UBE3C: variants seen among roughly 807,000 people sequenced by gnomAD.
UBE3C encodes the protein ubiquitin-protein ligase E3C.
Under a neutral mutation model 129.4 loss-of-function variants are expected in UBE3C, and 42 were observed. That is an observed-to-expected ratio of 0.32 (90% CI 0.25 to 0.42). The LOEUF is 0.42. Ranked by LOEUF, UBE3C falls within the 10% of genes least tolerant of loss-of-function variation. The pLI, the probability that UBE3C is intolerant of heterozygous loss-of-function variation, is 1.00. For missense variants in UBE3C, 1,049 were observed against 1,319.1 expected, an observed-to-expected ratio of 0.80 and a Z score of 3.17; for synonymous variants, 510 against 492.4, an observed-to-expected ratio of 1.04 and a Z score of -0.47.
At chr7:157,248,293 A>C in intron 18 of UBE3C, 75 bp from the exon 19 acceptor site, 1 of 1,341,982 alleles carries the variant, frequency 7.5e-7, no homozygotes, top group Non-Finnish European at 1.0e-6. Flanking sequence ...TTTAATATCA[A>C]GTTGAGCATA....
intron 22 of UBE3C, among the ~76,000 whole-genome samples, chr7:157,259,363 T>C (rs1796837710): frequency 6.6e-6 from 1 of 152,234 alleles, no homozygotes; most frequent in African/African-American, 2.4e-5. Flanking sequence ...TGCAGGCAAG[T>C]TATCTTGAGA....
intron 13 of UBE3C, among the ~76,000 whole-genome samples, chr7:157,213,177 C>T (rs971209562): frequency 1.3e-5 from 2 of 152,234 alleles, no homozygotes; most frequent in Non-Finnish European, 2.9e-5. Flanking sequence ...AGAGTTAACA[C>T]ATCAGATGGA....
Position 157,207,839 on chromosome 7 carries a change from A to C in UBE3C, c.1713A>C (p.Glu571Asp). 6.2e-7 allele frequency: 1 copy of C among 1,614,164 alleles called. No homozygotes were observed. The highest frequency in any genetic ancestry group is 8.5e-7 in the Non-Finnish European group (1 of 1,180,036). ...AAACCAAGCCAGAAGTTCGAGAAGAATATATTACAGCATTTCAGAGTATTG... is the reference window on the plus strand; with the variant it reads ...AAACCAAGCCAGAAGTTCGAGAAGACTATATTACAGCATTTCAGAGTATTG... ...YPETKPEVRE[E>D]YITAFQSIGV... The change falls in exon 13 of 23, where the codon GAA becomes GAC. Residue 571 changes from glutamate (E) to aspartate (D), a missense_variant. Physicochemically the swap from Glu to Asp is conservative, Grantham distance 45 (BLOSUM62 2). Around this residue, in one of 4 missense-constraint regions of UBE3C, gnomAD observed 314 missense variants for 416.9 expected, o/e 0.75. Transcript: ENST00000348165.
Position 157,182,189 on chromosome 7 carries a change from G to A in UBE3C, c.852G>A (p.Ala284=), listed in dbSNP as rs757286256. 20 of 1,613,644 alleles carry A rather than the reference G, an allele frequency of 1.2e-5. No individual in the cohort carries two copies. In the East Asian group the frequency reaches 1.6e-4, roughly 13 times the overall value. The change falls in exon 8 of 23, where the codon GCG becomes GCA. Residue 284 remains alanine (A), a synonymous_variant. Coordinates refer to ENST00000348165, the MANE Select transcript of UBE3C (RefSeq NM_014671.3). The part of the protein sequence containing the change: ...TDQIFHFIIP[A]LADAQTVFPY... Reference sequence around the variant, plus strand: ...AGATTTTTCATTTCATCATTCCGGCGCTTGCAGATGCGCAGACCGTTTTCC... The same window carrying A: ...AGATTTTTCATTTCATCATTCCGGCACTTGCAGATGCGCAGACCGTTTTCC...
chr7:157,240,231 T>A (rs1337602615), intron 18 of UBE3C, among the ~76,000 whole-genome samples: 3 of 152,094 alleles, frequency 2.0e-5, no homozygotes, highest in African/African-American at 7.2e-5. Context: ...ATTTTTGTGT[T>A]TTTTGTAGAG....
chr7:157,268,803 A>G lies in UBE3C; in HGVS notation c.*1048A>G, dbSNP rs1797147891. 1 of 152,636 alleles carries G rather than the reference A, an allele frequency of 6.6e-6. No individual in the cohort carries two copies. Among genetic ancestry groups the G allele is most frequent in the African/African-American group, 2.4e-5 (1 of 41,442 alleles). 9.5% of individuals were successfully genotyped at this position (152,636 alleles called of 1,614,324 possible). ...AGTGTCGGTAGTTCTTGCAGTAGGC[A>G]CTTTATCAGGACCTGACCTGTTGCT... is the stretch of plus-strand genomic sequence containing the variant. On this transcript the variant is annotated 3_prime_UTR_variant, in exon 23 of 23. Transcript: ENST00000348165.
At chr7:157,148,732 T>TG (rs1440174532) in intron 1 of UBE3C, among the ~76,000 whole-genome samples, 3 of 77,104 alleles carry the variant, frequency 3.9e-5, no homozygotes, top group African/African-American at 1.3e-4. Flanking sequence ...AAATTAGTTC[T>TG]TTTTTTTTTT....
At chr7:157,173,703 A>G (rs555310752) in intron 4 of UBE3C, among the ~76,000 whole-genome samples, 1 of 152,310 alleles carries the variant, frequency 6.6e-6, no homozygotes, top group Non-Finnish European at 1.5e-5. Flanking sequence ...CAGTCCTATT[A>G]TATAATGTAT....
chr7:157,190,477 G>A (rs989398324), intron 10 of UBE3C, among the ~76,000 whole-genome samples: 1 of 152,166 alleles, frequency 6.6e-6, no homozygotes, highest in African/African-American at 2.4e-5. Flanking sequence ...GGCTACCAAA[G>A]CCACATTTCA....
chr7:157,233,002 A>G (rs1413953303), intron 18 of UBE3C, among the ~76,000 whole-genome samples: 1 of 152,140 alleles, frequency 6.6e-6, no homozygotes, highest in African/African-American at 2.4e-5. Flanking sequence ...CTTGGAAGCA[A>G]TGTCATCATC....
At position 157,225,536 on chromosome 7, in the gene UBE3C, A is replaced by G. The variant is rs1795852301; in HGVS notation, c.2230A>G (p.Asn744Asp). 3 of 1,584,444 alleles carry G rather than the reference A, an allele frequency of 1.9e-6. No individual in the cohort carries two copies. Among genetic ancestry groups the G allele is most frequent in the African/African-American group, 1.4e-5 (1 of 72,966 alleles). The change falls in exon 17 of 23, where the codon AAT (asparagine) becomes GAT (aspartate). Residue 744 changes from asparagine (N) to aspartate (D), a missense_variant. Physicochemically the swap from Asn to Asp is conservative, Grantham distance 23. Coordinates refer to ENST00000348165, the MANE Select transcript of UBE3C (RefSeq NM_014671.3). The stretch of plus-strand genomic sequence containing the variant: ...TGCTTATGACAAACTTTCTCCAGAA[A>G]ATGGTATATATAATTCTTTCTGTGT... ...EDAYDKLSPE[N>D]EPDLKKRIRV...
At chr7:157,148,869 C>T (rs924865368) in intron 1 of UBE3C, among the ~76,000 whole-genome samples, 3 of 151,628 alleles carry the variant, frequency 2.0e-5, no homozygotes, top group African/African-American at 4.9e-5. Flanking sequence ...CCTGCCTCAG[C>T]CTCCTGAGGA....
chr7:157,177,139 G>T (rs1244157857), intron 5 of UBE3C, among the ~76,000 whole-genome samples: 1 of 152,190 alleles, frequency 6.6e-6, no homozygotes, highest in East Asian at 1.9e-4. Context: ...GAGAGGCGCA[G>T]TTCCTCCATA....
intron 10 of UBE3C, chr7:157,198,036 A>G: frequency 6.2e-7 from 1 of 1,605,382 alleles, no homozygotes. Flanking sequence ...ACCATGAACA[A>G]GGCACTGAAG....
intron 22 of UBE3C, among the ~76,000 whole-genome samples, chr7:157,261,119 A>G (rs1031894375): frequency 2.0e-5 from 3 of 151,778 alleles, no homozygotes; most frequent in Non-Finnish European, 2.9e-5. Flanking sequence ...CCTGACCAAC[A>G]TGATGAAACC....
chr7:157,162,925 A>G (rs949654957), intron 1 of UBE3C, among the ~76,000 whole-genome samples: 2 of 152,106 alleles, frequency 1.3e-5, no homozygotes, highest in Non-Finnish European at 2.9e-5. Context: ...AGTATTTTTC[A>G]TTTATTTGAA....
At chr7:157,201,442 A>G (rs1046730364) in intron 10 of UBE3C, among the ~76,000 whole-genome samples, 1 of 140,746 alleles carries the variant, frequency 7.1e-6, no homozygotes, top group Non-Finnish European at 1.5e-5. Flanking sequence ...AAAACAGCTT[A>G]TATCTTTATC....
At chr7:157,236,633 C>T (rs1297487401) in intron 18 of UBE3C, among the ~76,000 whole-genome samples, 1 of 152,168 alleles carries the variant, frequency 6.6e-6, no homozygotes, top group Non-Finnish European at 1.5e-5. Context: ...AGGCTTTAAA[C>T]ATCTAAATTG....
chr7:157,192,406 C>A, intron 10 of UBE3C: 1 of 711,284 alleles, frequency 1.4e-6, no homozygotes. Flanking sequence ...GGAAGACCAT[C>A]ACCCTCAAGG....
Sources: gnomAD v4.1 joint callset for allele counts (sites outside exome capture counted in the v4.1 genomes callset) on GRCh38, gnomAD v4.1.1 for gene constraint, gnomAD v4.1.1 regional missense constraint, MANE v1.5 for transcripts, NCBI Gene and HGNC (gene_info 2026-07-23, HGNC 2026-07-21) for gene names.